Variants in PPM1M observed in about 807,000 individuals in gnomAD.
The protein encoded by PPM1M is protein phosphatase, Mg2+/Mn2+ dependent 1M.
A neutral mutation model predicts 50.8 loss-of-function variants in PPM1M; 44 were observed. The ratio of observed to expected loss-of-function variants is 0.87; its 90% CI spans 0.68 to 1.11. PPM1M has a LOEUF of 1.11. PPM1M is among the 50% of genes most tolerant of loss of function. PPM1M has a pLI of 0.00. For synonymous variants in PPM1M, 224 were observed against 242.9 expected, an observed-to-expected ratio of 0.92 and a Z score of 0.72; for missense variants, 556 against 593.4, an observed-to-expected ratio of 0.94 and a Z score of 0.66.
At position 52,246,082 on chromosome 3, in the gene PPM1M, C is replaced by G. The variant is rs570671469; in HGVS notation, c.224+34C>G. ...CCCTCCCCGACCCCCAGCTCAGGCC[C>G]GGGCCTGAACCCGCTTCGGGTCCTG... is the stretch of plus-strand genomic sequence containing the variant. On this transcript the variant is annotated intron_variant, in intron 1 of 9. Transcript: ENST00000323588. 9,133 of 1,062,400 alleles carry G rather than the reference C, an allele frequency of 8.6e-3. 41 individuals are homozygous for G. The highest frequency in any genetic ancestry group is 1.0e-2 in the Non-Finnish European group (8,640 of 868,342). 65.8% of individuals were successfully genotyped at this position (1,062,400 alleles called of 1,614,324 possible). A position where few individuals can be genotyped will look rare whatever the true frequency, so the allele number is the denominator to read the frequency against.
Position 52,247,000 on chromosome 3 carries a change from G to T in PPM1M, c.369G>T (p.Leu123=), listed in dbSNP as rs552091277. 1 of 1,547,666 alleles carries T rather than the reference G, an allele frequency of 6.5e-7. No homozygotes were observed. Among genetic ancestry groups the T allele is most frequent in the East Asian group, 2.4e-5 (1 of 40,866 alleles). The change falls in exon 3 of 10, where the codon CTG becomes CTT. Residue 123 remains leucine (L), a synonymous_variant. Transcript: ENST00000323588. Reference sequence around the variant, plus strand: ...TCCTGACAGGCCATTACTGGGCACTGTTCGATGGGCACGGCGGTCCTGCAG... The same window carrying T: ...TCCTGACAGGCCATTACTGGGCACTTTTCGATGGGCACGGCGGTCCTGCAG... The part of the protein sequence containing the change: ...EEFLTGHYWA[L]FDGHGGPAAA...
chr3:52,249,920 GC>G lies in PPM1M; in HGVS notation c.*109del. 1 of 1,009,010 alleles carries G rather than the reference GC, an allele frequency of 9.9e-7. No individual in the cohort carries two copies. Among genetic ancestry groups the G allele is most frequent in the Non-Finnish European group, 1.5e-6 (1 of 680,638 alleles). The allele number at this position is 1,009,010 out of a possible 1,614,324, so 62.5% of individuals were successfully genotyped here. ...CCTGCCTGCCCTATCCCTAGCCACC[GC>G]CCAGTGCTCTCACTATCCACCTCAA... is the stretch of plus-strand genomic sequence containing the variant. On this transcript the variant is annotated 3_prime_UTR_variant, in exon 10 of 10. Transcript: ENST00000323588.
Position 52,249,868 on chromosome 3 carries a change from A to T in PPM1M, c.*54A>T. On this transcript the variant is annotated 3_prime_UTR_variant, in exon 10 of 10. Transcript: ENST00000323588. ...TCTAGTGCCCGGGTGTGGTCTGGGC[A>T]TCCCTCCAGTGTGACCAAGAGCAAA... 6.4e-7 allele frequency: 1 copy of T among 1,557,820 alleles called. No homozygotes were observed. Among genetic ancestry groups the T allele is most frequent in the South Asian group, 1.1e-5 (1 of 87,472 alleles).
rs1389368440 is a variant in PPM1M at position 52,246,061 on chromosome 3, C to T, written c.224+13C>T. The T allele has an allele frequency of 1.8e-6, 2 of 1,107,490 alleles. No homozygotes were observed. 68.6% of individuals were successfully genotyped at this position (1,107,490 alleles called of 1,614,324 possible). ...CAGGCTACGCCGAGTGAGTGCCCCT[C>T]CCCGACCCCCAGCTCAGGCCCGGGC... On this transcript the variant is annotated intron_variant, in intron 1 of 9. Coordinates refer to ENST00000323588, the MANE Select transcript of PPM1M (RefSeq NM_144641.4).
In PPM1M at chr3:52,246,737, C is replaced by T. The variant is rs1414338624; in HGVS notation, c.267C>T (p.Ala89=). 7.6e-6 allele frequency: 10 copies of T among 1,322,814 alleles called. No homozygotes were observed. The highest frequency in any genetic ancestry group is 4.9e-5 in the South Asian group (4 of 81,172). The allele number at this position is 1,322,814 out of a possible 1,614,324, so 81.9% of individuals were successfully genotyped here. A position where few individuals can be genotyped will look rare whatever the true frequency, so the allele number is the denominator to read the frequency against. ...AEKSEFNEDQ[A]ACGKLCIRRC... ...AATCTGAATTCAATGAGGATCAAGC[C>T]GCCTGTGGGAAGCTGTGCATCCGGA... Residue 89 remains alanine (A), a synonymous_variant, in exon 2 of 10, where the codon GCC becomes GCT. Coordinates refer to ENST00000323588, the MANE Select transcript of PPM1M (RefSeq NM_144641.4).
intron 8 of PPM1M, 50 bp downstream of exon 8, chr3:52,249,113 G>A: frequency 6.2e-7 from 1 of 1,610,012 alleles, no homozygotes; most frequent in Non-Finnish European, 8.5e-7. Flanking sequence ...CAGAAAGGCA[G>A]ACAGTGAGGC....
Position 52,247,814 on chromosome 3 carries a change from G to A in PPM1M, c.710+20G>A, listed in dbSNP as rs1204375603. On this transcript the variant is annotated intron_variant, in intron 4 of 9. Transcript: ENST00000323588. ...TAGCAGGTGAGTCACCCCTTGGAGGGTGGGCAAGGGTGGGATGGGGAGGGC... is the reference window on the plus strand; with the variant it reads ...TAGCAGGTGAGTCACCCCTTGGAGGATGGGCAAGGGTGGGATGGGGAGGGC... The A allele has an allele frequency of 1.6e-6, 2 of 1,229,406 alleles. No individual in the cohort carries two copies. The highest frequency in any genetic ancestry group is 2.4e-6 in the Non-Finnish European group (2 of 844,730). 76.2% of individuals were successfully genotyped at this position (1,229,406 alleles called of 1,614,324 possible).
chr3:52,247,818 G>C, intron 4 of PPM1M, 24 bp downstream of exon 4: 1 of 635,556 alleles, frequency 1.6e-6, no homozygotes, highest in Non-Finnish European at 2.9e-6. Context: ...TGGAGGGTGG[G>C]CAAGGGTGGG....
chr3:52,245,970 C>G lies in PPM1M; in HGVS notation c.146C>G (p.Ala49Gly). Residue 49 changes from alanine to glycine, a missense_variant, in exon 1 of 10, where the codon GCC (alanine) becomes GGC (glycine). Coordinates refer to ENST00000323588, the MANE Select transcript of PPM1M (RefSeq NM_144641.4). The surrounding 1 kb of genome is among the most constrained non-coding windows in gnomAD (Gnocchi z 4.8). Reference sequence around the variant, plus strand: ...AGCTCCAGCCCCGGGGCGGCCGACGCCTCGCGCCGCCCAGACTCCCGGCCC... The same window carrying G: ...AGCTCCAGCCCCGGGGCGGCCGACGGCTCGCGCCGCCCAGACTCCCGGCCC... ...GSSSSPGAAD[A>G]SRRPDSRPVR... is the part of the protein sequence containing the mutation. 8.0e-7 allele frequency: 1 copy of G among 1,249,440 alleles called. No homozygotes were observed. Among genetic ancestry groups the G allele is most frequent in the Non-Finnish European group, 1.0e-6 (1 of 970,766 alleles). The allele number at this position is 1,249,440 out of a possible 1,614,324, so 77.4% of individuals were successfully genotyped here.
chr3:52,246,615 C>A, intron 1 of PPM1M, 80 bp from the exon 2 acceptor site: 1 of 912,882 alleles, frequency 1.1e-6, no homozygotes. Context: ...GGGGTCTTCT[C>A]CCTGTGCTGG....
Position 52,247,813 on chromosome 3 carries a change from G to A in PPM1M, c.710+19G>A, listed in dbSNP as rs1431832932. On this transcript the variant is annotated intron_variant, in intron 4 of 9. Transcript: ENST00000323588. ...ATAGCAGGTGAGTCACCCCTTGGAG[G>A]GTGGGCAAGGGTGGGATGGGGAGGG... 6 of 1,275,788 alleles carry A rather than the reference G, an allele frequency of 4.7e-6. No individual in the cohort carries two copies. In the East Asian group the frequency reaches 1.4e-4, roughly 31 times the overall value. 79.0% of individuals were successfully genotyped at this position (1,275,788 alleles called of 1,614,324 possible).
Position 52,248,350 on chromosome 3 carries a change from G to A in PPM1M, c.811G>A (p.Glu271Lys). The A allele has an allele frequency of 6.2e-7, 1 of 1,612,910 alleles. No homozygotes were observed. Among genetic ancestry groups the A allele is most frequent in the Non-Finnish European group, 8.5e-7 (1 of 1,179,446 alleles). ...RIQQLAFVYP[E>K]LLAGEFTRLE... ...CCCACCCCAGGCCTTTGTCTATCCTGAGCTTCTGGCTGGTGAGTTCACCCG... is the reference window on the plus strand; with the variant it reads ...CCCACCCCAGGCCTTTGTCTATCCTAAGCTTCTGGCTGGTGAGTTCACCCG... The change falls in exon 6 of 10, where the codon GAG becomes AAG. Residue 271 changes from glutamate to lysine, a missense_variant. Transcript: ENST00000323588.
chr3:52,249,799 G>A lies in PPM1M; in HGVS notation c.1365G>A (p.Glu455=), dbSNP rs367878605. Residue 455 remains glutamate (E), a synonymous_variant, in exon 10 of 10, where the codon GAG becomes GAA. Coordinates refer to ENST00000323588, the MANE Select transcript of PPM1M (RefSeq NM_144641.4). ...TTCCCTTGCACAGTCAGGGCCAAGAGAGCAGTGACCACTGAGGATTCAGAC... is the reference window on the plus strand; with the variant it reads ...TTCCCTTGCACAGTCAGGGCCAAGAAAGCAGTGACCACTGAGGATTCAGAC... The part of the protein sequence containing the change: ...FVIPLHSQGQ[E]SSDH 1.1e-5 allele frequency: 18 copies of A among 1,613,226 alleles called. No individual in the cohort carries two copies. The highest frequency in any genetic ancestry group is 1.4e-5 in the Non-Finnish European group (17 of 1,179,690).
At position 52,245,837 on chromosome 3, in the gene PPM1M, T is replaced by C. The variant is rs1219058442; in HGVS notation, c.13T>C (p.Trp5Arg). MSAGWFRRRFLPGEP... is the reference protein window; with the variant it reads MSAGRFRRRFLPGEP... The stretch of plus-strand genomic sequence containing the variant: ...CTGCCGCCGCGCCATGTCCGCCGGC[T>C]GGTTCCGGCGCCGCTTCCTGCCTGG... Residue 5 changes from tryptophan (W) to arginine (R), a missense_variant, in exon 1 of 10, where the codon TGG becomes CGG. Transcript: ENST00000323588. The surrounding 1 kb of genome is among the most constrained non-coding windows in gnomAD (Gnocchi z 4.8). 9.4e-6 allele frequency: 10 copies of C among 1,059,270 alleles called. No homozygotes were observed. The highest frequency in any genetic ancestry group is 1.0e-5 in the Non-Finnish European group (9 of 872,422). The allele number at this position is 1,059,270 out of a possible 1,614,324, so 65.6% of individuals were successfully genotyped here.
chr3:52,249,147 T>C (rs780718184), intron 8 of PPM1M, 27 bp from the exon 9 acceptor site: 1 of 1,613,058 alleles, frequency 6.2e-7, no homozygotes, highest in Non-Finnish European at 8.5e-7. Context: ...GAAGGGAGTG[T>C]GCAGGATCCT....
At position 52,247,213 on chromosome 3, in the gene PPM1M, T is replaced by G. The variant is rs1283206721; in HGVS notation, c.582T>G (p.Ser194Arg). The change falls in exon 3 of 10, where the codon AGT (serine) becomes AGG (arginine). Residue 194 changes from serine to arginine, a missense_variant. Physicochemically the swap from Ser to Arg is moderately radical, Grantham distance 110. Transcript: ENST00000323588. ...AEDLVIGALE[S>R]AFQECDEVIG... ...ACTTGGTGATCGGGGCATTGGAGAGTGCCTTTCAGGAATGTGTGAGTGTGT... is the reference window on the plus strand; with the variant it reads ...ACTTGGTGATCGGGGCATTGGAGAGGGCCTTTCAGGAATGTGTGAGTGTGT... The G allele has an allele frequency of 1.9e-6, 3 of 1,612,340 alleles. No individual in the cohort carries two copies. Among genetic ancestry groups the G allele is most frequent in the Non-Finnish European group, 2.5e-6 (3 of 1,179,312 alleles).
chr3:52,246,916 C>A lies in PPM1M; in HGVS notation c.343-58C>A. ...GCTGCCCCAGGTCCTAGTTAGGTTGCGTCAGGGGACAAGTGGGGAAGTCAG... is the reference window on the plus strand; with the variant it reads ...GCTGCCCCAGGTCCTAGTTAGGTTGAGTCAGGGGACAAGTGGGGAAGTCAG... On this transcript the variant is annotated intron_variant, in intron 2 of 9. Coordinates refer to ENST00000323588, the MANE Select transcript of PPM1M (RefSeq NM_144641.4). 5.9e-6 allele frequency: 9 copies of A among 1,519,564 alleles called. No homozygotes were observed. In the South Asian group the frequency reaches 1.1e-4, roughly 19 times the overall value. The allele number at this position is 1,519,564 out of a possible 1,614,324, so 94.1% of individuals were successfully genotyped here. A position where few individuals can be genotyped will look rare whatever the true frequency, so the allele number is the denominator to read the frequency against.
chr3:52,246,203 G>A (rs374173075), intron 1 of PPM1M, 155 bp downstream of exon 1: 5 of 1,009,692 alleles, frequency 5.0e-6, no homozygotes, highest in African/African-American at 3.5e-5. Context: ...ACAACTTCCC[G>A]GTCATCCCGA....
At chr3:52,249,609 A>AGTG in intron 9 of PPM1M, 61 bp from the exon 10 acceptor site, 1 of 1,603,226 alleles carries the variant, frequency 6.2e-7, no homozygotes, top group Non-Finnish European at 8.5e-7. Flanking sequence ...GAGTTCTCCT[A>AGTG]AGGTCTGGCC....
Sources: gnomAD v4.1 joint callset for allele counts on GRCh38, gnomAD v4.1.1 for gene constraint, Gnocchi (gnomAD v3.1) non-coding constraint, MANE v1.5 for transcripts, NCBI Gene and HGNC (gene_info 2026-07-23, HGNC 2026-07-21) for gene names.